Variants in LARGE1 observed in about 807,000 individuals in gnomAD.
LARGE1 encodes xylosyl- and glucuronyltransferase LARGE1.
In LARGE1, 43 loss-of-function variants were observed where a neutral mutation model predicts 87.6. The observed-to-expected ratio is 0.49, with a 90% CI of 0.38 to 0.63. The LOEUF is 0.63. Ranked by LOEUF, LARGE1 falls within the 30% of genes least tolerant of loss-of-function variation. LARGE1 has a pLI of 0.00. For missense variants in LARGE1, 802 were observed against 1,000.2 expected (o/e 0.80, Z 2.67); for synonymous variants, 434 against 394.6 (o/e 1.10, Z -1.18).
chr22:33,304,157 G>C, intron 12 of LARGE1, 72 bp downstream of exon 12: 1 of 1,543,238 alleles, frequency 6.5e-7, no homozygotes, highest in South Asian at 1.1e-5. Context: ...GACCCTAAGG[G>C]CCTTTTGGTC....
chr22:33,561,700 G>C lies in LARGE1; in HGVS notation c.787+3148C>G, dbSNP rs545522430. Among the ~76,000 whole-genome samples, 177 of 152,296 alleles carry C rather than the reference G, an allele frequency of 1.2e-3. 4 individuals carry two copies. The South Asian group carries it at 0.035, about 30-fold the overall frequency. On this transcript the variant is annotated intron_variant, in intron 6 of 14. Transcript: ENST00000397394. ...AATAATGGTATGTCTGATTCTTTCT[G>C]CTAAGAATTGGTGGTTCTGAAAATC... is the stretch of plus-strand genomic sequence containing the variant.
intron 1 of LARGE1, among the ~76,000 whole-genome samples, chr22:33,826,501 C>G (rs2062789273): frequency 6.6e-6 from 1 of 152,056 alleles, no homozygotes; most frequent in Non-Finnish European, 1.5e-5. Flanking sequence ...CACCACCGCA[C>G]CCGGCTAATT....
intron 9 of LARGE1, among the ~76,000 whole-genome samples, chr22:33,353,760 G>T (rs1203000769): frequency 6.6e-6 from 1 of 152,162 alleles, no homozygotes; most frequent in Non-Finnish European, 1.5e-5. Context: ...AGAGTATGTG[G>T]AATCATTAGA....
intron 2 of LARGE1, among the ~76,000 whole-genome samples, chr22:33,748,024 CAAAAAAAAAAA>C (rs535230421): frequency 0.016 from 348 of 21,740 alleles, 3 homozygotes; most frequent in African/African-American, 0.034. Flanking sequence ...TCTGCTGGAG[CAAAAAAAAAAA>C]AAAAAAAAAA....
At chr22:33,699,077 A>G (rs1008754182) in intron 2 of LARGE1, among the ~76,000 whole-genome samples, 1 of 152,238 alleles carries the variant, frequency 6.6e-6, no homozygotes. Context: ...CTGACCTTGA[A>G]CAACCGATGT....
At chr22:33,327,803 A>T (rs369158894) in intron 10 of LARGE1, among the ~76,000 whole-genome samples, 1 of 152,288 alleles carries the variant, frequency 6.6e-6, no homozygotes, top group South Asian at 2.1e-4. Flanking sequence ...TCAGCCTCTC[A>T]AAGTGCTGGG....
intron 11 of LARGE1, among the ~76,000 whole-genome samples, chr22:33,265,150 C>G (rs903161736): frequency 1.3e-5 from 2 of 152,120 alleles, no homozygotes; most frequent in South Asian, 2.1e-4. Flanking sequence ...GGTGACCCTC[C>G]CATCTCAGCC....
At chr22:33,249,383 G>C (rs935597249) in intron 11 of LARGE1, among the ~76,000 whole-genome samples, 4 of 152,086 alleles carry the variant, frequency 2.6e-5, no homozygotes, top group Admixed American at 2.0e-4. Flanking sequence ...TTACTAAGCT[G>C]GTTGCTTTTT....
intron 6 of LARGE1, among the ~76,000 whole-genome samples, chr22:33,550,611 T>C (rs1040737902): frequency 1.3e-5 from 2 of 152,136 alleles, no homozygotes; most frequent in African/African-American, 2.4e-5. Context: ...TTGGTGGGAA[T>C]GTAAATTAGA....
chr22:33,147,207 A>G, the LARGE1 span, among the ~76,000 whole-genome samples: 87 of 152,348 alleles, frequency 5.7e-4, 1 homozygote, highest in East Asian at 0.016. Context: ...AAGCAGTTAT[A>G]TACATTATTG....
chr22:33,471,924 C>A (rs998480815), intron 6 of LARGE1, among the ~76,000 whole-genome samples: 2 of 152,048 alleles, frequency 1.3e-5, no homozygotes, highest in Admixed American at 1.3e-4. Flanking sequence ...GTGGCGGGTG[C>A]CTGTAATCCT....
intron 1 of LARGE1, among the ~76,000 whole-genome samples, chr22:33,794,022 T>A (rs1017532016): frequency 6.6e-6 from 1 of 151,932 alleles, no homozygotes. Flanking sequence ...AGTTTATTAA[T>A]GTTGAGGGGA....
chr22:33,890,479 A>C (rs2064976246), intron 1 of LARGE1, among the ~76,000 whole-genome samples: 1 of 152,126 alleles, frequency 6.6e-6, no homozygotes, highest in Non-Finnish European at 1.5e-5. Context: ...CAAATGAAAA[A>C]ACTGAGGCTC....
intron 1 of LARGE1, among the ~76,000 whole-genome samples, chr22:33,836,770 G>A (rs1005083113): frequency 4.0e-5 from 6 of 151,326 alleles, no homozygotes; most frequent in Non-Finnish European, 5.9e-5. Flanking sequence ...TGTAAAATAG[G>A]GATGGCCATC....
intron 6 of LARGE1, among the ~76,000 whole-genome samples, chr22:33,481,753 T>C (rs1217236375): frequency 2.0e-5 from 3 of 152,180 alleles, no homozygotes; most frequent in Admixed American, 6.6e-5. Flanking sequence ...TGGGTAAACC[T>C]TGCCCGTTAG....
intron 6 of LARGE1, among the ~76,000 whole-genome samples, chr22:33,564,517 A>G (rs1285633929): frequency 6.6e-6 from 1 of 152,240 alleles, no homozygotes; most frequent in African/African-American, 2.4e-5. Context: ...CTTGGCAATT[A>G]GACTATCCTT....
chr22:33,250,621 C>A (rs897671989), intron 11 of LARGE1, among the ~76,000 whole-genome samples: 2 of 152,176 alleles, frequency 1.3e-5, no homozygotes, highest in African/African-American at 2.4e-5. Flanking sequence ...CTCACCACTA[C>A]GTGTGATATT....
chr22:33,072,198 T>C, the LARGE1 span, among the ~76,000 whole-genome samples: 1 of 152,122 alleles, frequency 6.6e-6, no homozygotes, highest in African/African-American at 2.4e-5. Context: ...AGGCAAAACA[T>C]ATTTCTGTTT....
intron 1 of LARGE1, among the ~76,000 whole-genome samples, chr22:33,842,164 C>T (rs1188905940): frequency 6.6e-6 from 1 of 151,974 alleles, no homozygotes. Flanking sequence ...AATCGAAAAG[C>T]TTTTTGATCT....
Sources: gnomAD v4.1 joint callset for allele counts (sites outside exome capture counted in the v4.1 genomes callset) on GRCh38, gnomAD v4.1.1 for gene constraint, MANE v1.5 for transcripts, NCBI Gene and HGNC (gene_info 2026-07-23, HGNC 2026-07-21) for gene names.